The following CAMTA1 variants were observed in gnomAD, a reference collection of about 807,000 sequenced individuals.
CAMTA1 encodes calmodulin-binding transcription activator 1.
A neutral mutation model predicts 170.9 loss-of-function variants in CAMTA1; 27 were observed. The ratio of observed to expected loss-of-function variants is 0.16; its 90% CI spans 0.12 to 0.22. The LOEUF is 0.22. Ranked by LOEUF, CAMTA1 falls within the 10% of genes least tolerant of loss-of-function variation. CAMTA1 has a pLI of 1.00. For missense variants in CAMTA1, 1,619 were observed against 2,217.2 expected (o/e 0.73, Z 5.42); for synonymous variants, 833 against 891.5 (o/e 0.93, Z 1.17).
intron 5 of CAMTA1, among the ~76,000 whole-genome samples, chr1:7,447,401 G>T (rs1000271267): frequency 7.1e-6 from 1 of 140,922 alleles, no homozygotes; most frequent in African/African-American, 2.6e-5. Flanking sequence ...CCTGCCTTTG[G>T]CCTGAAGGGC....
At position 7,227,405 on chromosome 1, in the gene CAMTA1, G is replaced by A. The variant is rs148341215; in HGVS notation, c.303-22086G>A. ...TGCAATGGTGTGATCTTGGCTCACC[G>A]CAACCTCTGCCTTCTGGGTTCAAGC... is the stretch of plus-strand genomic sequence containing the variant. On this transcript the variant is annotated intron_variant, in intron 4 of 22. Transcript: ENST00000303635. Among the ~76,000 whole-genome samples, 526 of 152,154 alleles carry A rather than the reference G, an allele frequency of 3.5e-3. 5 individuals carry two copies. Among genetic ancestry groups the A allele is most frequent in the African/African-American group, 0.012 (495 of 41,510 alleles).
intron 16 of CAMTA1, among the ~76,000 whole-genome samples, chr1:7,742,007 CAAAAT>C (rs1301400935): frequency 1.6e-4 from 23 of 146,502 alleles, no homozygotes; most frequent in African/African-American, 4.3e-4. Flanking sequence ...GAAATACAAT[CAAAAT>C]GAAATGAAAG....
At chr1:7,003,795 T>TA (rs1472168315) in intron 3 of CAMTA1, among the ~76,000 whole-genome samples, 3 of 152,202 alleles carry the variant, frequency 2.0e-5, no homozygotes, top group African/African-American at 7.2e-5. Flanking sequence ...GGGATGAGAA[T>TA]AACAGGAAAT....
intron 3 of CAMTA1, among the ~76,000 whole-genome samples, chr1:6,895,859 A>G (rs1333262557): frequency 6.6e-6 from 1 of 151,528 alleles, no homozygotes; most frequent in Non-Finnish European, 1.5e-5. Context: ...TTTTCGTAGC[A>G]TTTATTACTG....
chr1:7,726,805 C>T (rs901931354), intron 11 of CAMTA1, among the ~76,000 whole-genome samples: 1 of 152,210 alleles, frequency 6.6e-6, no homozygotes, highest in Non-Finnish European at 1.5e-5. Flanking sequence ...ATCTCAGAAC[C>T]GCCAGGCAGG....
intron 6 of CAMTA1, among the ~76,000 whole-genome samples, chr1:7,627,049 G>C (rs1448114451): frequency 6.6e-6 from 1 of 152,108 alleles, no homozygotes; most frequent in African/African-American, 2.4e-5. Context: ...TTGGCCCAAG[G>C]GACTCCTACC....
At chr1:6,905,512 C>G (rs1678240863) in intron 3 of CAMTA1, among the ~76,000 whole-genome samples, 2 of 152,014 alleles carry the variant, frequency 1.3e-5, no homozygotes, top group Admixed American at 6.6e-5. Flanking sequence ...CCTTTCTTTA[C>G]CATCCACCTC....
intron 4 of CAMTA1, among the ~76,000 whole-genome samples, chr1:7,187,524 C>G (rs1242183275): frequency 6.6e-6 from 1 of 152,118 alleles, no homozygotes; most frequent in African/African-American, 2.4e-5. Context: ...AAAATCTAAA[C>G]AGCTGGGAAC....
At chr1:7,018,516 T>A (rs1700887234) in intron 3 of CAMTA1, among the ~76,000 whole-genome samples, 1 of 152,130 alleles carries the variant, frequency 6.6e-6, no homozygotes, top group South Asian at 2.1e-4. Context: ...ATGGCCATTT[T>A]ACAAACATTC....
At chr1:6,980,501 C>T (rs564745617) in intron 3 of CAMTA1, among the ~76,000 whole-genome samples, 13 of 152,144 alleles carry the variant, frequency 8.5e-5, no homozygotes, top group African/African-American at 1.9e-4. Flanking sequence ...CCTAGAGGGA[C>T]GTGACTTCTG....
At chr1:6,830,679 A>G (rs994963651) in intron 3 of CAMTA1, among the ~76,000 whole-genome samples, 4 of 152,122 alleles carry the variant, frequency 2.6e-5, no homozygotes, top group Non-Finnish European at 4.4e-5. Flanking sequence ...ATGTATTACA[A>G]TATAAACTGC....
chr1:7,745,250 G>A (rs945631912), intron 17 of CAMTA1, among the ~76,000 whole-genome samples: 1 of 152,156 alleles, frequency 6.6e-6, no homozygotes, highest in Non-Finnish European at 1.5e-5. Context: ...GTTAAGCTGG[G>A]CGCGGTGGCT....
chr1:7,060,575 G>T (rs920671958), intron 3 of CAMTA1, among the ~76,000 whole-genome samples: 9 of 152,186 alleles, frequency 5.9e-5, no homozygotes, highest in African/African-American at 1.7e-4. Context: ...CATAGGCGGG[G>T]TCCCCTTAGG....
intron 3 of CAMTA1, among the ~76,000 whole-genome samples, chr1:7,088,334 C>T (rs546265166): frequency 6.6e-6 from 1 of 152,108 alleles, no homozygotes; most frequent in African/African-American, 2.4e-5. Context: ...CCTCTGCTTG[C>T]TTGAGAGAAG....
intron 4 of CAMTA1, among the ~76,000 whole-genome samples, chr1:7,169,723 G>T (rs996450765): frequency 6.6e-6 from 1 of 152,310 alleles, no homozygotes; most frequent in Admixed American, 6.5e-5. Context: ...TGTTGGCCAG[G>T]CTGGTCTCGA....
At chr1:7,472,092 G>C (rs1297329612) in intron 6 of CAMTA1, among the ~76,000 whole-genome samples, 1 of 152,258 alleles carries the variant, frequency 6.6e-6, no homozygotes. Context: ...GGCCGGAGCT[G>C]TTTGGCTGCC....
chr1:7,075,878 G>C (rs546975616), intron 3 of CAMTA1, among the ~76,000 whole-genome samples: 5 of 150,964 alleles, frequency 3.3e-5, no homozygotes, highest in Middle Eastern at 3.4e-3. Flanking sequence ...GGCCAGGCTG[G>C]TCTTGAACTC....
intron 11 of CAMTA1, among the ~76,000 whole-genome samples, chr1:7,687,786 G>A (rs933589141): frequency 3.9e-5 from 6 of 152,188 alleles, no homozygotes; most frequent in East Asian, 3.9e-4. Context: ...ATGGCTCCCC[G>A]CTGGGGAGCA....
intron 3 of CAMTA1, among the ~76,000 whole-genome samples, chr1:6,861,137 G>A (rs1468484727): frequency 6.6e-6 from 1 of 151,904 alleles, no homozygotes; most frequent in African/African-American, 2.4e-5. Context: ...TGTGTTGTTG[G>A]TAGAGATGGG....
Sources: allele counts gnomAD v4.1 joint callset (sites outside exome capture counted in the v4.1 genomes callset), GRCh38; gene constraint gnomAD v4.1.1; transcripts MANE v1.5; gene names NCBI Gene and HGNC (gene_info 2026-07-23, HGNC 2026-07-21).